GALNTL6: variants seen among roughly 807,000 people sequenced by gnomAD.
The protein encoded by GALNTL6 is polypeptide N-acetylgalactosaminyltransferase-like 6.
A neutral mutation model predicts 73.7 loss-of-function variants in GALNTL6; 46 were observed. The ratio of observed to expected loss-of-function variants is 0.62; its 90% CI spans 0.49 to 0.80. The LOEUF is 0.80. Ranked by LOEUF, GALNTL6 falls within the 30% of genes least tolerant of loss-of-function variation. The pLI is 0.00. For missense variants in GALNTL6, 604 were observed against 755.0 expected (o/e 0.80, Z 2.34); for synonymous variants, 259 against 263.7 (o/e 0.98, Z 0.17).
At chr4:172,171,503 C>T (rs563363711) in intron 2 of GALNTL6, among the ~76,000 whole-genome samples, 50 of 152,086 alleles carry the variant, frequency 3.3e-4, no homozygotes, top group Non-Finnish European at 2.8e-4. Flanking sequence ...ATTTCATGAA[C>T]AACACTGCTA....
At chr4:172,998,989 TA>T (rs5864178) in intron 10 of GALNTL6, among the ~76,000 whole-genome samples, 122,077 of 137,862 alleles carry the variant, frequency 0.89, 54,899 homozygotes, top group Non-Finnish European at 0.97. Context: ...ATTTTAATAT[TA>T]AAAAAAAAAA....
intron 7 of GALNTL6, among the ~76,000 whole-genome samples, chr4:172,854,965 T>C (rs1744047604): frequency 6.6e-6 from 1 of 152,184 alleles, no homozygotes; most frequent in African/African-American, 2.4e-5. Flanking sequence ...AAATAATATT[T>C]ATGAAATTGA....
intron 2 of GALNTL6, among the ~76,000 whole-genome samples, chr4:172,022,390 A>G (rs994130120): frequency 6.6e-6 from 1 of 151,904 alleles, no homozygotes; most frequent in African/African-American, 2.4e-5. Flanking sequence ...TGATCTTCTC[A>G]TTTTCAGTAA....
chr4:171,950,069 A>T (rs1738826431), intron 2 of GALNTL6, among the ~76,000 whole-genome samples: 1 of 152,222 alleles, frequency 6.6e-6, no homozygotes, highest in African/African-American at 2.4e-5. Flanking sequence ...GAAAATAGGT[A>T]TTCTTTGCAA....
chr4:171,827,282 C>T (rs1182404746), intron 2 of GALNTL6, among the ~76,000 whole-genome samples: 2 of 152,026 alleles, frequency 1.3e-5, no homozygotes, highest in African/African-American at 4.8e-5. Flanking sequence ...TTATGGCTGC[C>T]ACTTAATTAT....
chr4:172,169,738 G>T (rs1453388801), intron 2 of GALNTL6, among the ~76,000 whole-genome samples: 2 of 152,176 alleles, frequency 1.3e-5, no homozygotes, highest in African/African-American at 4.8e-5. Context: ...CAATTGATTT[G>T]TGAAAGAGAA....
chr4:172,726,085 T>C (rs1038506216), intron 5 of GALNTL6, among the ~76,000 whole-genome samples: 3 of 149,012 alleles, frequency 2.0e-5, no homozygotes, highest in Non-Finnish European at 3.0e-5. Context: ...AAACGTACAC[T>C]GACACACAGA....
chr4:172,358,188 C>T (rs1742235309), intron 5 of GALNTL6, among the ~76,000 whole-genome samples: 1 of 152,146 alleles, frequency 6.6e-6, no homozygotes, highest in Non-Finnish European at 1.5e-5. Context: ...ATTCAAGTTC[C>T]AGCTCTGCCA....
chr4:173,036,748 T>C (rs559200555), intron 12 of GALNTL6, among the ~76,000 whole-genome samples: 4 of 152,296 alleles, frequency 2.6e-5, no homozygotes, highest in South Asian at 4.1e-4. Context: ...AACAACCTAG[T>C]TAAAAGCACA....
intron 11 of GALNTL6, among the ~76,000 whole-genome samples, 159 bp downstream of exon 11, chr4:173,009,453 A>T (rs368322203): frequency 6.6e-6 from 1 of 152,228 alleles, no homozygotes; most frequent in South Asian, 2.1e-4. Flanking sequence ...AGTTCAGTGA[A>T]TCACTTAATG....
intron 3 of GALNTL6, among the ~76,000 whole-genome samples, chr4:172,281,544 CA>C: frequency 6.6e-6 from 1 of 151,480 alleles, no homozygotes; most frequent in Non-Finnish European, 1.5e-5. Context: ...AAAAAAAATA[CA>C]AAAAAAAGAA....
intron 5 of GALNTL6, among the ~76,000 whole-genome samples, chr4:172,612,935 G>A (rs1028824458): frequency 2.0e-5 from 3 of 152,040 alleles, no homozygotes; most frequent in Non-Finnish European, 2.9e-5. Context: ...GGGCCCCAGA[G>A]CCCTGGCCTA....
intron 2 of GALNTL6, among the ~76,000 whole-genome samples, chr4:171,942,271 A>AATAAATAAATAAATAAAT (rs1390723884): frequency 6.0e-5 from 3 of 49,878 alleles, no homozygotes; most frequent in Admixed American, 2.6e-4. Flanking sequence ...AATAAATATA[A>AATAAATAAATAAATAAAT]TATACAGAAC....
chr4:173,021,347 G>C lies in GALNTL6; in HGVS notation c.1489-129G>C, dbSNP rs952434846. On this transcript the variant is annotated intron_variant, in intron 11 of 12. Coordinates refer to ENST00000506823, the MANE Select transcript of GALNTL6 (RefSeq NM_001034845.3). ...TTTTCCAACACCTCTGTTAGGCTGAGACTTAGCTCTTTTTGGCAGATCACA... is the reference window on the plus strand; with the variant it reads ...TTTTCCAACACCTCTGTTAGGCTGACACTTAGCTCTTTTTGGCAGATCACA... 3.9e-5 allele frequency: 36 copies of C among 915,260 alleles called. No individual in the cohort carries two copies. In the African/African-American group the frequency reaches 5.6e-4, roughly 14 times the overall value. 56.7% of individuals were successfully genotyped at this position (915,260 alleles called of 1,614,324 possible).
intron 12 of GALNTL6, among the ~76,000 whole-genome samples, chr4:173,037,747 AT>A (rs1262218886): frequency 0.016 from 2,326 of 143,134 alleles, 22 homozygotes; most frequent in Non-Finnish European, 0.022. Context: ...CCACATGAGC[AT>A]TTTTTTTTTT....
intron 5 of GALNTL6, among the ~76,000 whole-genome samples, chr4:172,710,810 C>T (rs1734658389): frequency 6.6e-6 from 1 of 152,014 alleles, no homozygotes; most frequent in Non-Finnish European, 1.5e-5. Flanking sequence ...TATCTGATTT[C>T]CCCAAATGAG....
intron 3 of GALNTL6, among the ~76,000 whole-genome samples, chr4:172,231,819 A>G (rs901360926): frequency 6.6e-6 from 1 of 152,066 alleles, no homozygotes; most frequent in Non-Finnish European, 1.5e-5. Context: ...TGAGTTTTGA[A>G]TACAAAATCC....
At chr4:172,093,453 T>C (rs1299635679) in intron 2 of GALNTL6, among the ~76,000 whole-genome samples, 1 of 152,188 alleles carries the variant, frequency 6.6e-6, no homozygotes, top group Admixed American at 6.5e-5. Flanking sequence ...ACACTCTGTA[T>C]ACAGAACTGT....
chr4:172,386,826 A>G (rs1743490202), intron 5 of GALNTL6, among the ~76,000 whole-genome samples: 2 of 152,036 alleles, frequency 1.3e-5, no homozygotes, highest in Non-Finnish European at 2.9e-5. Flanking sequence ...GATAGTTTCT[A>G]CCCACATTGA....
Sources: allele counts gnomAD v4.1 joint callset (sites outside exome capture counted in the v4.1 genomes callset), GRCh38; gene constraint gnomAD v4.1.1; transcripts MANE v1.5; gene names NCBI Gene and HGNC (gene_info 2026-07-23, HGNC 2026-07-21).